Variants in SCN3B observed in about 807,000 individuals in gnomAD.
The protein encoded by SCN3B is sodium channel regulatory subunit beta-3.
In SCN3B, 11 loss-of-function variants were observed where a neutral mutation model predicts 25.4. That is an observed-to-expected ratio of 0.43 (90% confidence interval 0.27 to 0.72). The LOEUF (loss-of-function observed/expected upper bound fraction) is 0.72, where lower values mean the gene tolerates loss of function less well. Among genes scored for constraint, SCN3B ranks in the 30% least tolerant of loss-of-function variants. The pLI is 0.18. For synonymous variants in SCN3B, 109 were observed against 110.7 expected (o/e 0.99, Z 0.09); for missense variants, 218 against 278.3 (o/e 0.78, Z 1.54).
At chr11:123,643,863 C>CTG (rs1254916341) in intron 3 of SCN3B, among the ~76,000 whole-genome samples, 1 of 152,242 alleles carries the variant, frequency 6.6e-6, no homozygotes, top group Non-Finnish European at 1.5e-5. Context: ...TGACGTGTCA[C>CTG]TGTCACACCT....
At chr11:123,648,327 T>A (rs530156346) in intron 2 of SCN3B, among the ~76,000 whole-genome samples, 16 of 152,378 alleles carry the variant, frequency 1.1e-4, no homozygotes, top group African/African-American at 3.8e-4. Context: ...ATCGACATCA[T>A]GCTGAAAGTT....
intron 2 of SCN3B, among the ~76,000 whole-genome samples, chr11:123,648,806 G>C (rs1484799335): frequency 6.6e-6 from 1 of 152,220 alleles, no homozygotes; most frequent in Non-Finnish European, 1.5e-5. Context: ...ACAGCAAACA[G>C]TCCAATGTGG....
chr11:123,635,911 G>A (rs1169696210), intron 5 of SCN3B, among the ~76,000 whole-genome samples: 2 of 152,180 alleles, frequency 1.3e-5, no homozygotes, highest in African/African-American at 4.8e-5. Context: ...GCTGTCCCTT[G>A]GTTAAGACTA....
chr11:123,635,480 T>A (rs1455826757), intron 5 of SCN3B, among the ~76,000 whole-genome samples: 5 of 151,990 alleles, frequency 3.3e-5, no homozygotes, highest in Non-Finnish European at 5.9e-5. Flanking sequence ...GTCAGGAGAT[T>A]GAGACCATCC....
intron 2 of SCN3B, among the ~76,000 whole-genome samples, chr11:123,650,554 G>A (rs565784695): frequency 5.3e-5 from 8 of 152,312 alleles, no homozygotes; most frequent in African/African-American, 1.9e-4. Context: ...TAGAAGGGCA[G>A]GCCTGGAGAA....
intron 5 of SCN3B, among the ~76,000 whole-genome samples, chr11:123,636,067 A>G (rs1009887557): frequency 1.3e-5 from 2 of 152,202 alleles, no homozygotes; most frequent in African/African-American, 4.8e-5. Context: ...TTTACTCTCC[A>G]TCTAGTTACG....
intron 5 of SCN3B, among the ~76,000 whole-genome samples, chr11:123,636,417 C>G (rs1343096500): frequency 1.3e-5 from 2 of 152,042 alleles, no homozygotes; most frequent in Non-Finnish European, 2.9e-5. Context: ...TGGTCTTCAC[C>G]TAGGATTTCC....
chr11:123,639,762 A>G (rs1955766603), intron 4 of SCN3B: 1 of 152,200 alleles, frequency 6.6e-6, no homozygotes, highest in Non-Finnish European at 1.5e-5. Context: ...TATTGAGAAC[A>G]TATTTATTTC....
rs1376074831 is a variant in SCN3B at position 123,633,530 on chromosome 11, G to A, written c.*269C>T. 1.9e-5 allele frequency: 3 copies of A among 157,758 alleles called. No homozygotes were observed. The highest frequency in any genetic ancestry group is 7.2e-5 in the African/African-American group (3 of 41,492). The allele number at this position is 157,758 out of a possible 1,614,324, so 9.8% of individuals were successfully genotyped here. A position where few individuals can be genotyped will look rare whatever the true frequency, so the allele number is the denominator to read the frequency against. On this transcript the variant is annotated 3_prime_UTR_variant, in exon 7 of 7. Transcript: ENST00000299333. ...TTGGAGTGTCTTGTTGGAAAACTAG[G>A]AGAGGGTGAGGTTGAGTCTATGTAG... is the stretch of plus-strand genomic sequence containing the variant.
intron 5 of SCN3B, among the ~76,000 whole-genome samples, chr11:123,637,980 G>A (rs4554899): frequency 5.3e-5 from 8 of 152,122 alleles, no homozygotes; most frequent in South Asian, 2.1e-4. Context: ...TTAATTTTTC[G>A]TAATGAATTA....
At position 123,629,581 on chromosome 11, in the gene SCN3B, A is replaced by G. The variant is rs1298991712; in HGVS notation, c.*4218T>C. 6.6e-6 allele frequency: 1 copy of G among 152,266 alleles called. No individual in the cohort carries two copies. The highest frequency in any genetic ancestry group is 1.5e-5 in the Non-Finnish European group (1 of 68,084). The allele number at this position is 152,266 out of a possible 1,614,324, so 9.4% of individuals were successfully genotyped here. ...AATCATGAGCTGTCCACCAGCTGAG[A>G]TTTTAGAGATTAAGTAAGGTTTGGA... On this transcript the variant is annotated 3_prime_UTR_variant, in exon 7 of 7. Coordinates refer to ENST00000299333, the MANE Select transcript of SCN3B (RefSeq NM_001040151.2).
intron 3 of SCN3B, among the ~76,000 whole-genome samples, chr11:123,644,353 A>C (rs1352856507): frequency 6.6e-6 from 1 of 152,242 alleles, no homozygotes; most frequent in African/African-American, 2.4e-5. Context: ...CACAGAAAGG[A>C]TGACCAACAT....
intron 2 of SCN3B, among the ~76,000 whole-genome samples, chr11:123,647,881 G>C: frequency 6.6e-6 from 1 of 152,234 alleles, no homozygotes; most frequent in Non-Finnish European, 1.5e-5. Context: ...TCTCCAGCAA[G>C]CTGGGTGAGT....
chr11:123,636,116 A>T (rs933371243), intron 5 of SCN3B, among the ~76,000 whole-genome samples: 15 of 152,188 alleles, frequency 9.9e-5, no homozygotes, highest in African/African-American at 3.6e-4. Context: ...CTTTTTCTTT[A>T]AATGTCTTGT....
chr11:123,652,645 AT>A (rs1211533343), intron 2 of SCN3B, among the ~76,000 whole-genome samples: 1 of 152,150 alleles, frequency 6.6e-6, no homozygotes, highest in Non-Finnish European at 1.5e-5. Context: ...CTGTGTATTG[AT>A]TTTTGCACGG....
In SCN3B at chr11:123,651,062, AT is replaced by A. The variant is rs113366169; in HGVS notation, c.55+2684del. 3.6e-3 allele frequency among the ~76,000 whole-genome samples: 542 copies of A among 151,834 alleles called. 4 individuals are homozygous for A. The highest frequency in any genetic ancestry group is 0.018 in the South Asian group (86 of 4,820). On this transcript the variant is annotated intron_variant, in intron 2 of 6. Transcript: ENST00000299333. ...ATATGGCGAGACATCGTCTGTATTA[AT>A]TTTTTTAATACAATTATTATTATTT...
chr11:123,638,331 GAA>G lies in SCN3B; in HGVS notation c.446-9_446-8del. ...GAGGTGAAGTCCTCTCCAGCTGAAA[GAA>G]AGAGAATGAGGTTCAGAATATGCAA... On this transcript the variant is annotated splice_polypyrimidine_tract_variant and splice_region_variant and intron_variant, in intron 4 of 6. Transcript: ENST00000299333. 3 of 1,613,856 alleles carry G rather than the reference GAA, an allele frequency of 1.9e-6. No homozygotes were observed. Among genetic ancestry groups the G allele is most frequent in the Non-Finnish European group, 2.5e-6 (3 of 1,180,032 alleles).
chr11:123,630,247 T>C lies in SCN3B; in HGVS notation c.*3552A>G, dbSNP rs770600572. 15 of 152,516 alleles carry C rather than the reference T, an allele frequency of 9.8e-5. No homozygotes were observed. The highest frequency in any genetic ancestry group is 2.1e-4 in the Non-Finnish European group (14 of 68,040). 9.4% of individuals were successfully genotyped at this position (152,516 alleles called of 1,614,324 possible). A position where few individuals can be genotyped will look rare whatever the true frequency, so the allele number is the denominator to read the frequency against. ...TAGGGACAGGCAGGGAGTGTTTGGG[T>C]TGGGGCTCTGATTCAAGACCGAGGT... On this transcript the variant is annotated 3_prime_UTR_variant, in exon 7 of 7. Transcript: ENST00000299333.
intron 6 of SCN3B, 112 bp from the exon 7 acceptor site, chr11:123,633,888 A>C (rs1262004126): frequency 2.1e-6 from 1 of 467,920 alleles, no homozygotes; most frequent in Non-Finnish European, 4.0e-6. Context: ...CTCTGTTACC[A>C]TGGGCAAGTT....
Sources: allele counts gnomAD v4.1 joint callset (sites outside exome capture counted in the v4.1 genomes callset), GRCh38; gene constraint gnomAD v4.1.1; transcripts MANE v1.5; gene names NCBI Gene and HGNC (gene_info 2026-07-23, HGNC 2026-07-21).